Variants in TDRD7 observed in about 807,000 individuals in gnomAD.
The protein encoded by TDRD7 is tudor domain containing 7.
TDRD7 carries 47 observed loss-of-function variants against 109.8 expected under a neutral mutation model. That is an observed-to-expected ratio of 0.43 (90% CI 0.34 to 0.55). TDRD7 has a LOEUF of 0.55. Among genes scored for constraint, TDRD7 ranks in the 20% least tolerant of loss-of-function variants. The pLI is 0.03. For missense variants in TDRD7, 1,164 were observed against 1,319.2 expected, an observed-to-expected ratio of 0.88 and a Z score of 1.82; for synonymous variants, 424 against 457.3, an observed-to-expected ratio of 0.93 and a Z score of 0.93.
chr9:97,485,080 A>T (rs1218205266), intron 15 of TDRD7, among the ~76,000 whole-genome samples: 1 of 152,224 alleles, frequency 6.6e-6, no homozygotes, highest in Non-Finnish European at 1.5e-5. Context: ...ATCAGTATAA[A>T]ATGTTTAGAA....
At chr9:97,467,969 GC>G (rs1335358747) in intron 8 of TDRD7, among the ~76,000 whole-genome samples, 6 of 152,230 alleles carry the variant, frequency 3.9e-5, no homozygotes, top group Non-Finnish European at 8.8e-5. Context: ...TGGGTTTGGG[GC>G]TTGAGCAATT....
rs147363345 is a variant in TDRD7, at chr9:97,424,802, G to A, written c.-6-3658G>A. 3.0e-3 allele frequency among the ~76,000 whole-genome samples: 454 copies of A among 151,872 alleles called. 3 individuals carry two copies. The highest frequency in any genetic ancestry group is 0.01 in the African/African-American group (425 of 41,434). ...GTTAATGTAATTATTGATATGATTG[G>A]CTTTAAACCTGCCATTTTGCTGGAT... On this transcript the variant is annotated intron_variant, in intron 1 of 16. Coordinates refer to ENST00000355295, the MANE Select transcript of TDRD7 (RefSeq NM_014290.3).
intron 16 of TDRD7, among the ~76,000 whole-genome samples, chr9:97,492,757 T>G (rs1829328842): frequency 6.6e-6 from 1 of 152,242 alleles, no homozygotes; most frequent in Non-Finnish European, 1.5e-5. Flanking sequence ...GACTTGCTCC[T>G]AAGTCACAAA....
At position 97,439,234 on chromosome 9, in the gene TDRD7, TA is replaced by T; in HGVS notation, c.564-9del. 1.3e-6 allele frequency: 2 copies of T among 1,563,770 alleles called. No homozygotes were observed. Among genetic ancestry groups the T allele is most frequent in the Admixed American group, 1.8e-5 (1 of 54,224 alleles). ...ACATTTATTTTACTTTTTTTTTTTTTAATATCTTAGGTTTAGCCCAAAGGCG... is the reference window on the plus strand; with the variant it reads ...ACATTTATTTTACTTTTTTTTTTTTTATATCTTAGGTTTAGCCCAAAGGCG... On this transcript the variant is annotated splice_polypyrimidine_tract_variant and intron_variant, in intron 4 of 16. Transcript: ENST00000355295.
chr9:97,473,934 A>G (rs937763348), intron 11 of TDRD7, among the ~76,000 whole-genome samples: 1 of 152,230 alleles, frequency 6.6e-6, no homozygotes, highest in African/African-American at 2.4e-5. Flanking sequence ...TATAACATGC[A>G]GTTGATGATG....
intron 1 of TDRD7, among the ~76,000 whole-genome samples, chr9:97,416,840 G>A (rs963596899): frequency 1.3e-5 from 2 of 151,934 alleles, no homozygotes; most frequent in Admixed American, 1.3e-4. Context: ...TTGAGCTCTC[G>A]GTGGGCTAGG....
chr9:97,414,464 G>A (rs1445300724), intron 1 of TDRD7, among the ~76,000 whole-genome samples: 2 of 152,166 alleles, frequency 1.3e-5, no homozygotes, highest in African/African-American at 4.8e-5. Flanking sequence ...GAGAATCATG[G>A]CTCTTGCCCA....
At chr9:97,481,021 T>C in intron 14 of TDRD7, 83 bp downstream of exon 14, 1 of 1,159,332 alleles carries the variant, frequency 8.6e-7, no homozygotes, top group Non-Finnish European at 1.3e-6. Context: ...GAAGGAATTT[T>C]ATCTCACTGT....
intron 5 of TDRD7, 73 bp from the exon 6 acceptor site, chr9:97,441,585 C>T: frequency 1.5e-6 from 2 of 1,351,416 alleles, no homozygotes; most frequent in East Asian, 2.5e-5. Flanking sequence ...CCTGAAGATG[C>T]AAATATTAGG....
intron 5 of TDRD7, among the ~76,000 whole-genome samples, chr9:97,441,142 C>T (rs562062639): frequency 2.7e-4 from 41 of 152,018 alleles, no homozygotes; most frequent in Non-Finnish European, 4.4e-5. Context: ...TATTTGTTTT[C>T]CATTAATAAA....
intron 6 of TDRD7, among the ~76,000 whole-genome samples, chr9:97,447,695 G>A (rs1828425395): frequency 6.6e-6 from 1 of 152,114 alleles, no homozygotes; most frequent in Non-Finnish European, 1.5e-5. Context: ...TACCCTCCCT[G>A]CACCTGCCCC....
At chr9:97,438,451 G>A (rs182956193) in intron 4 of TDRD7, among the ~76,000 whole-genome samples, 76 of 152,170 alleles carry the variant, frequency 5.0e-4, no homozygotes, top group African/African-American at 1.6e-3. Context: ...TATTCATTCG[G>A]TCATGATTCA....
chr9:97,425,100 A>T (rs1039230191), intron 1 of TDRD7, among the ~76,000 whole-genome samples: 1 of 151,996 alleles, frequency 6.6e-6, no homozygotes, highest in African/African-American at 2.4e-5. Context: ...ACTTTTACAT[A>T]TATTATGTAC....
At chr9:97,431,843 G>T (rs933499544) in intron 3 of TDRD7, among the ~76,000 whole-genome samples, 182 bp from the exon 4 acceptor site, 12 of 152,098 alleles carry the variant, frequency 7.9e-5, no homozygotes, top group Non-Finnish European at 1.8e-4. Flanking sequence ...AACCTTATCT[G>T]CCAAATACTC....
At chr9:97,476,464 C>T (rs1365242662) in intron 12 of TDRD7, among the ~76,000 whole-genome samples, 1 of 151,190 alleles carries the variant, frequency 6.6e-6, no homozygotes, top group Non-Finnish European at 1.5e-5. Flanking sequence ...ACCTATAATC[C>T]CAGCACTTTG....
chr9:97,424,684 T>A (rs1310278208), intron 1 of TDRD7, among the ~76,000 whole-genome samples: 1 of 152,204 alleles, frequency 6.6e-6, no homozygotes, highest in Non-Finnish European at 1.5e-5. Context: ...ATATTTAAAG[T>A]GGGTTTCTTG....
At chr9:97,418,393 T>G (rs1587855511) in intron 1 of TDRD7, among the ~76,000 whole-genome samples, 1 of 152,028 alleles carries the variant, frequency 6.6e-6, no homozygotes, top group Non-Finnish European at 1.5e-5. Flanking sequence ...TCACGAGACA[T>G]CTGCTATATA....
At chr9:97,478,596 G>T in intron 13 of TDRD7, 23 bp downstream of exon 13, 1 of 1,613,484 alleles carries the variant, frequency 6.2e-7, no homozygotes, top group South Asian at 1.1e-5. Flanking sequence ...CAGCCTGGGA[G>T]ATTTGCTGGA....
intron 16 of TDRD7, among the ~76,000 whole-genome samples, chr9:97,488,290 C>G (rs1410303359): frequency 2.6e-5 from 4 of 152,102 alleles, no homozygotes; most frequent in Admixed American, 6.5e-5. Flanking sequence ...AGCACCTTGC[C>G]CCATATGTGG....
Sources: allele counts gnomAD v4.1 joint callset (sites outside exome capture counted in the v4.1 genomes callset), GRCh38; gene constraint gnomAD v4.1.1; transcripts MANE v1.5; gene names NCBI Gene and HGNC (gene_info 2026-07-23, HGNC 2026-07-21).